The following ERCC6 variants were observed in gnomAD, a reference collection of about 807,000 sequenced individuals.
ERCC6 encodes DNA excision repair protein ERCC-6.
Under a neutral mutation model 158.7 loss-of-function variants are expected in ERCC6, and 116 were observed. The ratio of observed to expected loss-of-function variants is 0.73; its 90% confidence interval spans 0.63 to 0.85. The LOEUF is 0.85. Ranked by LOEUF, ERCC6 falls within the 40% of genes least tolerant of loss-of-function variation. The pLI is 0.00. For synonymous variants in ERCC6, 678 were observed against 659.3 expected (o/e 1.03, Z -0.43); for missense variants, 1,698 against 1,799.4 (o/e 0.94, Z 1.02).
intron 5 of ERCC6, among the ~76,000 whole-genome samples, chr10:49,519,206 G>A (rs182041939): frequency 2.6e-5 from 4 of 152,228 alleles, no homozygotes; most frequent in Admixed American, 2.6e-4. Context: ...CCTAAATATT[G>A]CACCTTCTAC....
intron 18 of ERCC6, among the ~76,000 whole-genome samples, chr10:49,469,836 C>T (rs1180703426): frequency 1.3e-5 from 2 of 152,200 alleles, no homozygotes; most frequent in African/African-American, 4.8e-5. Flanking sequence ...TATGATGTTA[C>T]TTTAATCTCC....
chr10:49,521,576 T>C (rs1837164324), intron 5 of ERCC6, among the ~76,000 whole-genome samples: 1 of 152,238 alleles, frequency 6.6e-6, no homozygotes, highest in Admixed American at 6.5e-5. Flanking sequence ...TGTATACCAC[T>C]GACCATAGAA....
intron 7 of ERCC6, among the ~76,000 whole-genome samples, chr10:49,496,419 T>C (rs1851267648): frequency 6.6e-6 from 1 of 152,222 alleles, no homozygotes; most frequent in Non-Finnish European, 1.5e-5. Context: ...GAAGAAAATA[T>C]ATCAACATGC....
intron 5 of ERCC6, among the ~76,000 whole-genome samples, chr10:49,507,213 T>A (rs1488902495): frequency 6.6e-6 from 1 of 152,172 alleles, no homozygotes; most frequent in Non-Finnish European, 1.5e-5. Context: ...TCTTGCCTTG[T>A]TGAAAATTTC....
In ERCC6 at chr10:49,500,662, A is replaced by G; in HGVS notation, c.1561T>C (p.Leu521=). 2 of 1,613,936 alleles carry G rather than the reference A, an allele frequency of 1.2e-6. No individual in the cohort carries two copies. The highest frequency in any genetic ancestry group is 8.5e-7 in the Non-Finnish European group (1 of 1,179,870). Residue 521 remains leucine, a synonymous_variant, in exon 7 of 21, where the codon TTG becomes CTG. Transcript: ENST00000355832. ...ATTCCTCCTGCCTGCTGGCAGTGCA[A>G]TTCCCACAGCCACCTAACACCTGTC... ...QQTGVRWLWE[L]HCQQAGGILG...
chr10:49,505,999 G>A lies in ERCC6; in HGVS notation c.1411C>T (p.Leu471=), dbSNP rs1314317099. The change falls in exon 6 of 21, where the codon CTG becomes TTG. Residue 471 remains leucine (L), a synonymous_variant. Transcript: ENST00000355832. ...YKQRLRRWNK[L]RLQDKEKRLK... ...CGTTTCTCTTTGTCCTGCAGTCTCA[G>A]TTTATTCCATCTCCTACCATGAAAA... 4 of 1,613,040 alleles carry A rather than the reference G, an allele frequency of 2.5e-6. No homozygotes were observed. The highest frequency in any genetic ancestry group is 3.4e-6 in the Non-Finnish European group (4 of 1,179,442).
downstream of ERCC6, among the ~76,000 whole-genome samples, chr10:49,452,895 T>C (rs540105265): frequency 3.5e-4 from 54 of 152,292 alleles, no homozygotes; most frequent in Middle Eastern, 6.8e-3. Flanking sequence ...AGCTTTCTTA[T>C]GGCAATTGTT....
At chr10:49,474,263 T>C (rs1216200680) in intron 12 of ERCC6, 21 bp from the exon 13 acceptor site, 1 of 1,587,476 alleles carries the variant, frequency 6.3e-7, no homozygotes, top group African/African-American at 1.3e-5. Flanking sequence ...AAAGAGTACA[T>C]GTACACTCAG....
intron 18 of ERCC6, among the ~76,000 whole-genome samples, chr10:49,469,111 T>A (rs939220809): frequency 6.6e-6 from 1 of 152,238 alleles, no homozygotes; most frequent in Admixed American, 6.5e-5. Flanking sequence ...AATAACTGAC[T>A]GAGGAAAGAA....
At chr10:49,523,873 C>T (rs1340406990) in intron 5 of ERCC6, among the ~76,000 whole-genome samples, 160 bp downstream of exon 5, 4 of 151,722 alleles carry the variant, frequency 2.6e-5, no homozygotes, top group African/African-American at 4.8e-5. Context: ...GACTCAGGGG[C>T]CCCACTGCTT....
At chr10:49,488,913 A>G (rs1392599541) in intron 8 of ERCC6, among the ~76,000 whole-genome samples, 2 of 152,074 alleles carry the variant, frequency 1.3e-5, no homozygotes, top group Non-Finnish European at 2.9e-5. Context: ...CCTCCCGAGT[A>G]GCTGGGACTA....
the ERCC6 span, among the ~76,000 whole-genome samples, chr10:49,444,270 T>A: frequency 6.6e-6 from 1 of 152,172 alleles, no homozygotes; most frequent in Non-Finnish European, 1.5e-5. Context: ...TGAGACTCGC[T>A]CCTGGACACC....
At chr10:49,439,271 G>A in the ERCC6 span, among the ~76,000 whole-genome samples, 2 of 152,236 alleles carry the variant, frequency 1.3e-5, no homozygotes, top group African/African-American at 4.8e-5. Context: ...TGAAATCCAG[G>A]TGGAGGTTCC....
intron 6 of ERCC6, chr10:49,501,329 T>G (rs988410296): frequency 2.0e-5 from 3 of 152,500 alleles, no homozygotes; most frequent in Non-Finnish European, 4.4e-5. Context: ...GTTTAAAGAC[T>G]CAACAATACA....
chr10:49,526,010 T>C (rs1335092397), intron 4 of ERCC6, among the ~76,000 whole-genome samples: 3 of 151,256 alleles, frequency 2.0e-5, no homozygotes, highest in Admixed American at 6.6e-5. Context: ...TAATGCACAT[T>C]TGAGTGGCTT....
intron 5 of ERCC6, among the ~76,000 whole-genome samples, chr10:49,517,710 C>T (rs1837025043): frequency 6.6e-6 from 1 of 151,972 alleles, no homozygotes; most frequent in African/African-American, 2.4e-5. Flanking sequence ...CATCACCACA[C>T]CCAGCTAACT....
At chr10:49,443,952 A>T in the ERCC6 span, among the ~76,000 whole-genome samples, 1 of 152,216 alleles carries the variant, frequency 6.6e-6, no homozygotes, top group Non-Finnish European at 1.5e-5. Context: ...TACATTCATA[A>T]GTGGTTGACG....
intron 4 of ERCC6, among the ~76,000 whole-genome samples, chr10:49,526,642 CT>C (rs1837347072): frequency 6.6e-6 from 1 of 152,164 alleles, no homozygotes; most frequent in African/African-American, 2.4e-5. Context: ...GGTCTTTACA[CT>C]GAGTATTTTG....
intron 7 of ERCC6, among the ~76,000 whole-genome samples, chr10:49,495,052 C>T (rs570932525): frequency 6.6e-6 from 1 of 152,294 alleles, no homozygotes; most frequent in South Asian, 2.1e-4. Flanking sequence ...CTGCACTCCT[C>T]CTGCCCTTCT....
Sources: allele counts gnomAD v4.1 joint callset (sites outside exome capture counted in the v4.1 genomes callset), GRCh38; gene constraint gnomAD v4.1.1; transcripts MANE v1.5; gene names NCBI Gene and HGNC (gene_info 2026-07-23, HGNC 2026-07-21).